The following MAPK6 variants were observed in gnomAD, a reference collection of about 807,000 sequenced individuals.
MAPK6 encodes the protein ERK-3.
In MAPK6, 19 loss-of-function variants were observed where a neutral mutation model predicts 59.3. The ratio of observed to expected loss-of-function variants is 0.32; its 90% CI spans 0.22 to 0.47. The LOEUF is 0.47. Ranked by LOEUF, MAPK6 falls within the 20% of genes least tolerant of loss-of-function variation. The pLI is 1.00. For missense variants in MAPK6, 724 were observed against 847.9 expected (o/e 0.85, Z 1.81); for synonymous variants, 316 against 290.3 (o/e 1.09, Z -0.90).
At chr15:52,007,847 C>CTTT (rs71425727) in intron 3 of MAPK6, among the ~76,000 whole-genome samples, 2 of 139,828 alleles carry the variant, frequency 1.4e-5, no homozygotes, top group East Asian at 2.0e-4. Flanking sequence ...TATTTCACCT[C>CTTT]TTTTTTTTTT....
rs766419636 is a variant in MAPK6 at position 52,046,740 on chromosome 15, G to A, written c.280G>A (p.Asp94Asn). 9.9e-6 allele frequency: 16 copies of A among 1,614,074 alleles called. No homozygotes were observed. The highest frequency in any genetic ancestry group is 1.3e-5 in the African/African-American group (1 of 74,924). The change falls in exon 2 of 6, where the codon GAT becomes AAT. Residue 94 changes from aspartate (D) to asparagine (N), a missense_variant. Physicochemically the swap from Asp to Asn is conservative, Grantham distance 23. This residue lies in a region of MAPK6 where 87 missense variants were observed against 93.0 expected (regional missense o/e 0.93). Transcript: ENST00000261845. ...TCCCAGTGGAAGCCAATTAACAGAC[G>A]ATGTGGGCTCTCTTACGGAACTGAA... Reference protein sequence around the residue: ...LGPSGSQLTDDVGSLTELNSV... With the variant: ...LGPSGSQLTDNVGSLTELNSV...
At chr15:51,982,318 C>A (rs1481126063) in intron 1 of MAPK6, among the ~76,000 whole-genome samples, 2 of 152,144 alleles carry the variant, frequency 1.3e-5, no homozygotes, top group African/African-American at 4.8e-5. Context: ...ATCTGGCCCT[C>A]AGTATATTTC....
chr15:52,014,375 T>G (rs2141835466), upstream of MAPK6, among the ~76,000 whole-genome samples: 1 of 152,286 alleles, frequency 6.6e-6, no homozygotes, highest in African/African-American at 2.4e-5. Flanking sequence ...ATAAACTATA[T>G]ATGTCATCAA....
chr15:52,053,837 C>T (rs908712944), intron 3 of MAPK6, among the ~76,000 whole-genome samples: 2 of 151,630 alleles, frequency 1.3e-5, no homozygotes, highest in African/African-American at 4.8e-5. Context: ...ACGGGGTTCA[C>T]CACGTTGGTC....
chr15:52,029,405 T>C (rs2030941836), intron 1 of MAPK6, among the ~76,000 whole-genome samples: 1 of 152,194 alleles, frequency 6.6e-6, no homozygotes, highest in African/African-American at 2.4e-5. Flanking sequence ...GGTTTTTTTT[T>C]CACCCTCTTT....
intron 2 of MAPK6, among the ~76,000 whole-genome samples, chr15:51,994,803 T>A (rs2057220035): frequency 6.6e-6 from 1 of 152,180 alleles, no homozygotes. Context: ...CTAATCATGA[T>A]AAAACCTCAG....
intron 2 of MAPK6, among the ~76,000 whole-genome samples, chr15:51,991,469 G>A (rs575950475): frequency 4.5e-4 from 68 of 152,264 alleles, no homozygotes; most frequent in African/African-American, 1.3e-3. Context: ...ATCACATAAC[G>A]AGAAATTAAT....
chr15:52,010,513 C>CTTT (rs1566898115), intron 3 of MAPK6, among the ~76,000 whole-genome samples: 1 of 133,584 alleles, frequency 7.5e-6, no homozygotes, highest in African/African-American at 3.0e-5. Context: ...TTGCACCCAG[C>CTTT]CTTTTTTTTT....
intron 2 of MAPK6, 148 bp from the exon 3 acceptor site, chr15:52,049,845 T>G: frequency 1.5e-6 from 1 of 668,094 alleles, no homozygotes; most frequent in Non-Finnish European, 2.6e-6. Context: ...ACTCCCGACC[T>G]TGGGTGATCC....
chr15:51,982,135 C>T (rs752756746), intron 1 of MAPK6, among the ~76,000 whole-genome samples: 10 of 152,138 alleles, frequency 6.6e-5, no homozygotes, highest in Non-Finnish European at 1.0e-4. Context: ...AAAACAGATC[C>T]GGCTCAAACA....
intron 2 of MAPK6, among the ~76,000 whole-genome samples, chr15:51,986,761 A>C (rs920239775): frequency 6.6e-6 from 1 of 152,150 alleles, no homozygotes; most frequent in African/African-American, 2.4e-5. Flanking sequence ...ATGTGGCCCA[A>C]GATCTTGAAA....
chr15:52,022,210 G>C (rs982617708), intron 1 of MAPK6, among the ~76,000 whole-genome samples: 4 of 152,128 alleles, frequency 2.6e-5, no homozygotes, highest in Non-Finnish European at 5.9e-5. Flanking sequence ...TGGTTTTTCT[G>C]TGTATACTGT....
At chr15:52,057,364 C>G (rs1448492936) in intron 3 of MAPK6, 2 of 152,224 alleles carry the variant, frequency 1.3e-5, no homozygotes, top group East Asian at 3.8e-4. Flanking sequence ...TCTGACTTAT[C>G]TCCCATTATC....
intron 3 of MAPK6, among the ~76,000 whole-genome samples, chr15:52,012,354 T>G (rs953482046): frequency 3.9e-5 from 6 of 152,224 alleles, no homozygotes; most frequent in African/African-American, 1.4e-4. Context: ...TGAGAAATCT[T>G]GAGCTGAATA....
At chr15:52,040,208 T>C (rs1046191419) in intron 1 of MAPK6, among the ~76,000 whole-genome samples, 6 of 152,258 alleles carry the variant, frequency 3.9e-5, no homozygotes, top group African/African-American at 1.4e-4. Flanking sequence ...TACATTTATC[T>C]GTGCCAGGGT....
intron 1 of MAPK6, among the ~76,000 whole-genome samples, chr15:52,025,811 T>G (rs1425835921): frequency 1.3e-5 from 2 of 152,108 alleles, no homozygotes; most frequent in Non-Finnish European, 2.9e-5. Flanking sequence ...AATAGTTGGA[T>G]GTAGCTGGTG....
intron 1 of MAPK6, among the ~76,000 whole-genome samples, chr15:52,022,453 A>G (rs559759589): frequency 1.3e-5 from 2 of 151,990 alleles, no homozygotes; most frequent in South Asian, 2.1e-4. Flanking sequence ...GTAGAGATGA[A>G]TGTTCACAGT....
chr15:52,055,670 C>T lies in MAPK6; in HGVS notation c.701-2963C>T, dbSNP rs142330831. The stretch of plus-strand genomic sequence containing the variant: ...AGCTGGGACTATAGGTGCATGCCTC[C>T]ATGCCCGGCTAATTTTTGAAATTTT... On this transcript the variant is annotated intron_variant, in intron 3 of 5. Transcript: ENST00000261845. Among the ~76,000 whole-genome samples the T allele has an allele frequency of 1.0e-3, 152 of 152,206 alleles. 1 individual carries two copies. Among genetic ancestry groups the T allele is most frequent in the Admixed American group, 3.9e-3 (59 of 15,294 alleles).
chr15:51,988,569 T>C (rs1246931578), intron 2 of MAPK6, among the ~76,000 whole-genome samples: 1 of 151,834 alleles, frequency 6.6e-6, no homozygotes, highest in Non-Finnish European at 1.5e-5. Flanking sequence ...CTGTCTCTAC[T>C]AAAAATACAA....
Sources: allele counts gnomAD v4.1 joint callset (sites outside exome capture counted in the v4.1 genomes callset), GRCh38; gene constraint gnomAD v4.1.1; regional missense constraint gnomAD v4.1.1; transcripts MANE v1.5; gene names NCBI Gene and HGNC (gene_info 2026-07-23, HGNC 2026-07-21).